The following ITGAM variants were observed in gnomAD, a reference collection of about 807,000 sequenced individuals.
The protein encoded by ITGAM is integrin subunit alpha M, also known as integrin alpha-M.
A neutral mutation model predicts 137.5 loss-of-function variants in ITGAM; 79 were observed. The ratio of observed to expected loss-of-function variants is 0.57; its 90% CI spans 0.48 to 0.69. The LOEUF is 0.69. Ranked by LOEUF, ITGAM falls within the 30% of genes least tolerant of loss-of-function variation. The pLI is 0.00. For synonymous variants in ITGAM, 583 were observed against 592.3 expected, an observed-to-expected ratio of 0.98 and a Z score of 0.23; for missense variants, 1,343 against 1,483.5, an observed-to-expected ratio of 0.91 and a Z score of 1.56.
chr16:31,309,750 A>G (rs1334917759), intron 14 of ITGAM, among the ~76,000 whole-genome samples: 1 of 152,032 alleles, frequency 6.6e-6, no homozygotes, highest in African/African-American at 2.4e-5. Context: ...CTTAGCCTTG[A>G]TGGTCTTTAC....
chr16:31,284,504 T>C (rs2080006626), intron 12 of ITGAM, among the ~76,000 whole-genome samples: 1 of 152,146 alleles, frequency 6.6e-6, no homozygotes, highest in South Asian at 2.1e-4. Flanking sequence ...CAAGGCTCCA[T>C]GGGCGTGGGA....
At position 31,330,594 on chromosome 16, in the gene ITGAM, G is replaced by T. The variant is rs1218890713; in HGVS notation, c.3265G>T (p.Val1089Leu). ...CCTGCTGCCGGGACAGGGGGCGTTT[G>T]TGAGGTCCCAGGTACCTGTCTTGGG... ...FTLLPGQGAFVRSQTETKVEP... is the reference protein window; with the variant it reads ...FTLLPGQGAFLRSQTETKVEP... Residue 1089 changes from valine to leucine, a missense_variant, in exon 28 of 30, where the codon GTG becomes TTG. Physicochemically the swap from Val to Leu is conservative, Grantham distance 32. Transcript: ENST00000544665. 2.5e-6 allele frequency: 4 copies of T among 1,608,712 alleles called. No individual in the cohort carries two copies. The highest frequency in any genetic ancestry group is 2.7e-5 in the African/African-American group (2 of 74,888).
intron 21 of ITGAM, among the ~76,000 whole-genome samples, chr16:31,325,973 G>T (rs1196095160): frequency 6.6e-6 from 1 of 152,098 alleles, no homozygotes; most frequent in Non-Finnish European, 1.5e-5. Context: ...GGCTAGGGTG[G>T]GAGGATCGTC....
chr16:31,277,389 G>A (rs2079919974), intron 11 of ITGAM, among the ~76,000 whole-genome samples: 1 of 146,992 alleles, frequency 6.8e-6, no homozygotes, highest in Non-Finnish European at 1.5e-5. Context: ...ATGGGGTTTC[G>A]CTCTTGTTGC....
chr16:31,319,561 A>G (rs1355422781), intron 14 of ITGAM, among the ~76,000 whole-genome samples: 2 of 152,164 alleles, frequency 1.3e-5, no homozygotes, highest in Non-Finnish European at 2.9e-5. Flanking sequence ...CAGTAAATAC[A>G]AAGTGGGTAT....
Position 31,331,760 on chromosome 16 carries a change from A to G in ITGAM, c.*53A>G. 1 of 1,379,724 alleles carries G rather than the reference A, an allele frequency of 7.2e-7. No individual in the cohort carries two copies. Among genetic ancestry groups the G allele is most frequent in the South Asian group, 1.3e-5 (1 of 77,568 alleles). The allele number at this position is 1,379,724 out of a possible 1,614,324, so 85.5% of individuals were successfully genotyped here. The stretch of plus-strand genomic sequence containing the variant: ...CGGTGGCCAGCAGGACTCTGCCCAG[A>G]CCACACGTAGCCCCCAGGCTGCTGG... On this transcript the variant is annotated 3_prime_UTR_variant, in exon 30 of 30. Coordinates refer to ENST00000544665, the MANE Select transcript of ITGAM (RefSeq NM_000632.4).
rs189695082 is a variant in ITGAM, at chr16:31,300,791, A to G, written c.1707+2837A>G. ...CCGGGCTGTGGTGGTGCATGCCTGTAATCCCAGCTATTCCAGAGGCTGAGA... is the reference window on the plus strand; with the variant it reads ...CCGGGCTGTGGTGGTGCATGCCTGTGATCCCAGCTATTCCAGAGGCTGAGA... On this transcript the variant is annotated intron_variant, in intron 14 of 29. Transcript: ENST00000544665. Among the ~76,000 whole-genome samples the G allele has an allele frequency of 7.9e-5, 12 of 152,282 alleles. No individual in the cohort carries two copies. The East Asian group carries it at 2.3e-3, about 29-fold the overall frequency.
At chr16:31,295,039 A>G (rs945176639) in intron 12 of ITGAM, among the ~76,000 whole-genome samples, 1 of 152,124 alleles carries the variant, frequency 6.6e-6, no homozygotes, top group Non-Finnish European at 1.5e-5. Context: ...CCATAAATGC[A>G]TAGTTTTATT....
At chr16:31,302,740 T>G (rs1289716507) in intron 14 of ITGAM, among the ~76,000 whole-genome samples, 1 of 151,954 alleles carries the variant, frequency 6.6e-6, no homozygotes, top group Non-Finnish European at 1.5e-5. Flanking sequence ...TTTCACCATG[T>G]TGGCCAGGCT....
Position 31,265,424 on chromosome 16 carries a change from TG to T in ITGAM, c.166del (p.Ala56LeufsTer30). On this transcript the variant is annotated frameshift_variant, in exon 3 of 30. Transcript: ENST00000544665. LOFTEE classifies it high-confidence loss of function. Reference sequence around the variant, plus strand: ...GTGGTTGGAGCCCCCCAGGAGATAGTGGCTGCCAACCAAAGGGGCAGCCTCT... The same window carrying T: ...GTGGTTGGAGCCCCCCAGGAGATAGTGCTGCCAACCAAAGGGGCAGCCTCT... ...RVVVGAPQEIVAANQRGSLYQ... is the reference protein window; with the variant it reads ...RVVVGAPQEIXAANQRGSLYQ... 6.2e-7 allele frequency: 1 copy of T among 1,606,406 alleles called. No individual in the cohort carries two copies. Among genetic ancestry groups the T allele is most frequent in the Non-Finnish European group, 8.5e-7 (1 of 1,176,836 alleles).
chr16:31,330,767 CAG>C (rs571164234), intron 28 of ITGAM, among the ~76,000 whole-genome samples, 162 bp downstream of exon 28: 1 of 150,304 alleles, frequency 6.7e-6, no homozygotes, highest in East Asian at 1.9e-4. Flanking sequence ...CAGACAGAGA[CAG>C]AGAGATAGAG....
intron 12 of ITGAM, among the ~76,000 whole-genome samples, chr16:31,292,237 A>T (rs546368776): frequency 8.5e-4 from 130 of 152,198 alleles, no homozygotes; most frequent in African/African-American, 2.9e-3. Flanking sequence ...TATTTAATTT[A>T]AAAAAATTAG....
At chr16:31,328,534 GGTGT>G (rs888811720) in intron 23 of ITGAM, among the ~76,000 whole-genome samples, 1 of 150,720 alleles carries the variant, frequency 6.6e-6, no homozygotes, top group Non-Finnish European at 1.5e-5. Context: ...TGCGTGCATG[GGTGT>G]GTATTTGTGC....
intron 2 of ITGAM, among the ~76,000 whole-genome samples, chr16:31,263,979 G>A (rs1034626215): frequency 1.3e-5 from 2 of 151,772 alleles, no homozygotes; most frequent in African/African-American, 2.4e-5. Flanking sequence ...GGGACTACAG[G>A]TGCGTGCCAC....
chr16:31,283,778 T>G (rs1209215476), intron 12 of ITGAM, among the ~76,000 whole-genome samples: 1 of 152,254 alleles, frequency 6.6e-6, no homozygotes. Flanking sequence ...TGAGGAGCTG[T>G]GCTCCTTTGG....
chr16:31,307,632 C>G (rs1034413706), intron 14 of ITGAM, among the ~76,000 whole-genome samples: 2 of 152,084 alleles, frequency 1.3e-5, no homozygotes, highest in Non-Finnish European at 2.9e-5. Context: ...AATCGAATGC[C>G]CTTTATTCCC....
chr16:31,283,333 C>T (rs567340308), intron 12 of ITGAM, among the ~76,000 whole-genome samples: 6 of 152,328 alleles, frequency 3.9e-5, no homozygotes, highest in South Asian at 2.1e-4. Flanking sequence ...TGGTTCCATT[C>T]GCCCTGTCAC....
In ITGAM at chr16:31,331,188, C is replaced by G. The variant is rs746408696; in HGVS notation, c.3300C>G (p.Phe1100Leu). Residue 1100 changes from phenylalanine (F) to leucine (L), a missense_variant, in exon 29 of 30, where the codon TTC (phenylalanine) becomes TTG (leucine). Transcript: ENST00000544665. ...RSQTETKVEP[F>L]EVPNPLPLIV... ...AGACGGAGACCAAAGTGGAGCCGTT[C>G]GAGGTCCCCAACCCCCTGCCGCTCA... 16 of 1,611,864 alleles carry G rather than the reference C, an allele frequency of 9.9e-6. No individual in the cohort carries two copies. The highest frequency in any genetic ancestry group is 1.1e-5 in the Non-Finnish European group (13 of 1,178,434).
At chr16:31,314,080 G>C (rs563282961) in intron 14 of ITGAM, among the ~76,000 whole-genome samples, 28 of 150,288 alleles carry the variant, frequency 1.9e-4, no homozygotes, top group African/African-American at 6.5e-4. Context: ...GGGGTTGTTT[G>C]TTTTTTTCTT....
Sources: allele counts gnomAD v4.1 joint callset (sites outside exome capture counted in the v4.1 genomes callset), GRCh38; gene constraint gnomAD v4.1.1; transcripts MANE v1.5; gene names NCBI Gene and HGNC (gene_info 2026-07-23, HGNC 2026-07-21).